The following MYO3B variants were observed in gnomAD, a reference collection of about 807,000 sequenced individuals.
The protein encoded by MYO3B is myosin-IIIb.
A neutral mutation model predicts 174.6 loss-of-function variants in MYO3B; 156 were observed. That is an observed-to-expected ratio of 0.89 (90% CI 0.78 to 1.02). The LOEUF (loss-of-function observed/expected upper bound fraction) is 1.02. Ranked by LOEUF, MYO3B falls within the 50% of genes least tolerant of loss-of-function variation. MYO3B has a pLI of 0.00. For synonymous variants in MYO3B, 563 were observed against 569.1 expected (o/e 0.99, Z 0.15); for missense variants, 1,632 against 1,639.4 (o/e 1.00, Z 0.08).
intron 8 of MYO3B, chr2:170,348,240 T>C (rs7580594): frequency 0.53 from 80,558 of 152,094 alleles, 22,453 homozygotes; most frequent in East Asian, 0.66. Context: ...GTTGTTGTTG[T>C]TGTTGTTGTT....
intron 6 of MYO3B, among the ~76,000 whole-genome samples, chr2:170,230,505 T>C (rs7607331): frequency 0.91 from 137,704 of 151,926 alleles, 62,605 homozygotes; most frequent in Non-Finnish European, 0.93. Flanking sequence ...ATAATCAAGA[T>C]ACAACCTTTA....
intron 13 of MYO3B, among the ~76,000 whole-genome samples, 159 bp downstream of exon 13, chr2:170,386,431 T>C (rs562051005): frequency 6.6e-5 from 10 of 152,274 alleles, no homozygotes; most frequent in African/African-American, 2.2e-4. Context: ...CCTCTTAAGA[T>C]GTCAGCATGC....
intron 32 of MYO3B, among the ~76,000 whole-genome samples, chr2:170,596,763 A>G (rs1694177614): frequency 6.6e-6 from 1 of 152,142 alleles, no homozygotes; most frequent in African/African-American, 2.4e-5. Flanking sequence ...GTAGAAAGCA[A>G]CCTCCAAGCT....
At chr2:170,334,126 C>T (rs1331683315) in intron 7 of MYO3B, 2 of 152,166 alleles carry the variant, frequency 1.3e-5, no homozygotes, top group African/African-American at 4.8e-5. Flanking sequence ...CCATCATACC[C>T]ATGCTCTAAA....
At chr2:170,180,373 G>T (rs2092383111) in intron 1 of MYO3B, among the ~76,000 whole-genome samples, 1 of 152,152 alleles carries the variant, frequency 6.6e-6, no homozygotes, top group Admixed American at 6.5e-5. Flanking sequence ...AGCTTAGCAG[G>T]CCTCAGAGGG....
intron 4 of MYO3B, 55 bp downstream of exon 4, chr2:170,214,538 C>A: frequency 6.5e-7 from 1 of 1,540,350 alleles, no homozygotes; most frequent in Non-Finnish European, 9.0e-7. Context: ...TTGTTCATTG[C>A]TTGGGTCCTT....
At chr2:170,444,317 C>G (rs1056905114) in intron 23 of MYO3B, among the ~76,000 whole-genome samples, 1 of 152,172 alleles carries the variant, frequency 6.6e-6, no homozygotes, top group African/African-American at 2.4e-5. Context: ...TCTGACACTA[C>G]CAGCAAGCTA....
At chr2:170,271,995 TGGTGAGGG>T (rs2093428567) in intron 7 of MYO3B, among the ~76,000 whole-genome samples, 1 of 152,104 alleles carries the variant, frequency 6.6e-6, no homozygotes, top group Non-Finnish European at 1.5e-5. Context: ...GCCAGCTGAC[TGGTGAGGG>T]ACTGTTATAT....
chr2:170,319,905 A>T (rs951055353), intron 7 of MYO3B, among the ~76,000 whole-genome samples: 1 of 152,162 alleles, frequency 6.6e-6, no homozygotes, highest in African/African-American at 2.4e-5. Flanking sequence ...GTCAACCAGG[A>T]ATTTTTTATG....
intron 3 of MYO3B, among the ~76,000 whole-genome samples, chr2:170,207,995 G>A (rs568786087): frequency 2.0e-5 from 3 of 152,264 alleles, no homozygotes; most frequent in South Asian, 2.1e-4. Context: ...ACCCACGTAT[G>A]CCCTATCTCC....
At chr2:170,405,334 G>T (rs1300176502) in intron 20 of MYO3B, among the ~76,000 whole-genome samples, 1 of 152,154 alleles carries the variant, frequency 6.6e-6, no homozygotes, top group Non-Finnish European at 1.5e-5. Context: ...CGATCTTAGA[G>T]CACAGCCTGA....
At chr2:170,522,493 C>T (rs1363284929) in intron 30 of MYO3B, among the ~76,000 whole-genome samples, 1 of 152,230 alleles carries the variant, frequency 6.6e-6, no homozygotes, top group Admixed American at 6.5e-5. Flanking sequence ...CTCCTTCTGT[C>T]TTTACAGTCC....
chr2:170,196,413 G>A (rs1308598494), intron 1 of MYO3B, among the ~76,000 whole-genome samples: 2 of 152,112 alleles, frequency 1.3e-5, no homozygotes, highest in Non-Finnish European at 2.9e-5. Context: ...TTAATACTTG[G>A]GAGGCTGAGA....
At chr2:170,438,265 T>G (rs1391366101) in intron 22 of MYO3B, among the ~76,000 whole-genome samples, 1 of 151,234 alleles carries the variant, frequency 6.6e-6, no homozygotes, top group Non-Finnish European at 1.5e-5. Flanking sequence ...GATTTCCTTG[T>G]TTTTTTTTAA....
Position 170,383,814 on chromosome 2 carries a change from G to A in MYO3B, c.1290G>A (p.Gln430=). Residue 430 remains glutamine, a splice_region_variant and synonymous_variant, in exon 12 of 35, where the codon CAG becomes CAA. Transcript: ENST00000408978. The part of the protein sequence containing the change: ...YQCMVTLSKD[Q]CIVISGESGS... Reference sequence around the variant, plus strand: ...GCATGGTTACTCTCAGCAAAGACCAGGTAAGAACTCACCTTCCTTTCCTAC... The same window carrying A: ...GCATGGTTACTCTCAGCAAAGACCAAGTAAGAACTCACCTTCCTTTCCTAC... 6.2e-7 allele frequency: 1 copy of A among 1,609,588 alleles called. No individual in the cohort carries two copies.
At chr2:170,459,527 G>T (rs1169231463) in intron 23 of MYO3B, among the ~76,000 whole-genome samples, 1 of 152,164 alleles carries the variant, frequency 6.6e-6, no homozygotes, top group Non-Finnish European at 1.5e-5. Context: ...ACTAGACATA[G>T]AAGTTCTCCA....
At chr2:170,277,476 G>A (rs1051131326) in intron 7 of MYO3B, among the ~76,000 whole-genome samples, 3 of 152,120 alleles carry the variant, frequency 2.0e-5, no homozygotes, top group Non-Finnish European at 4.4e-5. Context: ...ACTTACATAA[G>A]GGTAACTGTA....
At chr2:170,509,429 A>G (rs190360386) in intron 28 of MYO3B, among the ~76,000 whole-genome samples, 1 of 152,354 alleles carries the variant, frequency 6.6e-6, no homozygotes, top group East Asian at 1.9e-4. Flanking sequence ...GAAAAATAGT[A>G]CCTGTCAAAT....
intron 7 of MYO3B, among the ~76,000 whole-genome samples, chr2:170,327,193 T>C (rs1415851808): frequency 6.6e-6 from 1 of 152,192 alleles, no homozygotes; most frequent in Non-Finnish European, 1.5e-5. Context: ...GAGACCATCC[T>C]GGCCCACATG....
Sources: allele counts gnomAD v4.1 joint callset (sites outside exome capture counted in the v4.1 genomes callset), GRCh38; gene constraint gnomAD v4.1.1; transcripts MANE v1.5; gene names NCBI Gene and HGNC (gene_info 2026-07-23, HGNC 2026-07-21).